Variants in COL19A1 observed in about 807,000 individuals in gnomAD.
COL19A1 encodes collagen type XIX alpha 1 chain.
Under a neutral mutation model 190.2 loss-of-function variants are expected in COL19A1, and 159 were observed. The ratio of observed to expected loss-of-function variants is 0.84; its 90% CI spans 0.73 to 0.95. COL19A1 has a LOEUF of 0.95. COL19A1 is among the 40% of genes least tolerant of loss of function. The pLI, the probability that COL19A1 is intolerant of heterozygous loss-of-function variation, is 0.00. For synonymous variants in COL19A1, 509 were observed against 458.9 expected, an observed-to-expected ratio of 1.11 and a Z score of -1.39; for missense variants, 1,418 against 1,431.9, an observed-to-expected ratio of 0.99 and a Z score of 0.16.
chr6:70,135,111 C>T (rs920236976), intron 18 of COL19A1, among the ~76,000 whole-genome samples: 5 of 152,136 alleles, frequency 3.3e-5, no homozygotes, highest in African/African-American at 1.2e-4. Context: ...AAGGATGTTA[C>T]AAAGTTTACA....
chr6:70,061,340 G>A (rs1373642527), intron 14 of COL19A1, among the ~76,000 whole-genome samples: 1 of 152,000 alleles, frequency 6.6e-6, no homozygotes, highest in Non-Finnish European at 1.5e-5. Context: ...CATTCAAAGA[G>A]TGAATGATTC....
Position 69,938,769 on chromosome 6 carries a change from C to T in COL19A1, c.936+669C>T, listed in dbSNP as rs1773273477. Among the ~76,000 whole-genome samples, 4 of 152,094 alleles carry T rather than the reference C, an allele frequency of 2.6e-5. No homozygotes were observed. The South Asian group carries it at 8.3e-4, about 32-fold the overall frequency. ...CTAAGTGTGTAATTCTAGGCTATAT[C>T]CCATGCTTAGAGATTTGTCTTTCCC... is the stretch of plus-strand genomic sequence containing the variant. On this transcript the variant is annotated intron_variant, in intron 9 of 50. Coordinates refer to ENST00000620364, the MANE Select transcript of COL19A1 (RefSeq NM_001858.6).
chr6:70,059,699 A>G (rs545407771), intron 14 of COL19A1: 42 of 439,138 alleles, frequency 9.6e-5, no homozygotes, highest in Middle Eastern at 3.6e-4. Context: ...TTTAATGTCC[A>G]GAATTGTGTT....
chr6:70,154,112 C>A (rs1347290665), intron 31 of COL19A1, among the ~76,000 whole-genome samples: 1 of 149,362 alleles, frequency 6.7e-6, no homozygotes, highest in Admixed American at 6.7e-5. Flanking sequence ...CCCCTACCCC[C>A]CCCAACCCCC....
chr6:70,055,115 T>C (rs1411328727), intron 14 of COL19A1, among the ~76,000 whole-genome samples: 6 of 152,182 alleles, frequency 3.9e-5, no homozygotes, highest in Non-Finnish European at 7.4e-5. Context: ...TTTAAACATA[T>C]GAAATAGACC....
intron 46 of COL19A1, among the ~76,000 whole-genome samples, chr6:70,185,551 T>C (rs1489477948): frequency 2.0e-5 from 3 of 152,196 alleles, no homozygotes; most frequent in Middle Eastern, 3.2e-3. Flanking sequence ...AATTATGTTA[T>C]ATGGTTTTGT....
chr6:70,209,354 AT>A lies in COL19A1; in HGVS notation c.*2081del, dbSNP rs1232672211. On this transcript the variant is annotated 3_prime_UTR_variant, in exon 51 of 51. Coordinates refer to ENST00000620364, the MANE Select transcript of COL19A1 (RefSeq NM_001858.6). ...TTTTTGCCTGTTTGCTAATTTAAAA[AT>A]ATTTATTTTATCATTTTAATGTTTT... The A allele has an allele frequency of 2.6e-5, 4 of 152,410 alleles. No homozygotes were observed. The highest frequency in any genetic ancestry group is 5.9e-5 in the Non-Finnish European group (4 of 68,016). The allele number at this position is 152,410 out of a possible 1,614,324, so 9.4% of individuals were successfully genotyped here. A position where few individuals can be genotyped will look rare whatever the true frequency, so the allele number is the denominator to read the frequency against.
chr6:70,182,158 A>C (rs1766215913), intron 44 of COL19A1, among the ~76,000 whole-genome samples: 1 of 152,170 alleles, frequency 6.6e-6, no homozygotes, highest in East Asian at 1.9e-4. Flanking sequence ...CATCATCTCC[A>C]CGAGAAGTAA....
intron 15 of COL19A1, among the ~76,000 whole-genome samples, chr6:70,088,529 T>A (rs9446189): frequency 6.6e-6 from 1 of 152,258 alleles, no homozygotes; most frequent in East Asian, 1.9e-4. Flanking sequence ...GTAACAAGTA[T>A]TGAAAGTATG....
At chr6:69,878,986 T>G (rs1768320723) in intron 1 of COL19A1, among the ~76,000 whole-genome samples, 1 of 152,230 alleles carries the variant, frequency 6.6e-6, no homozygotes, top group South Asian at 2.1e-4. Context: ...ATGAAGTACC[T>G]AGATTAGTCA....
At chr6:70,172,767 T>C (rs1765573939) in intron 41 of COL19A1, among the ~76,000 whole-genome samples, 1 of 152,210 alleles carries the variant, frequency 6.6e-6, no homozygotes, top group Admixed American at 6.5e-5. Flanking sequence ...TAACAGCTAT[T>C]GTAAGGCCTT....
intron 17 of COL19A1, among the ~76,000 whole-genome samples, chr6:70,123,908 A>C (rs1347381065): frequency 6.6e-6 from 1 of 151,552 alleles, no homozygotes; most frequent in Non-Finnish European, 1.5e-5. Context: ...ACGTGTATAC[A>C]TATGTAACTA....
At chr6:69,972,831 C>A (rs1775508489) in intron 11 of COL19A1, among the ~76,000 whole-genome samples, 1 of 152,060 alleles carries the variant, frequency 6.6e-6, no homozygotes, top group South Asian at 2.1e-4. Flanking sequence ...AAATAAAATA[C>A]AGTTCTTTTA....
intron 31 of COL19A1, among the ~76,000 whole-genome samples, chr6:70,153,419 T>C (rs945393013): frequency 1.3e-5 from 2 of 152,168 alleles, no homozygotes; most frequent in African/African-American, 4.8e-5. Flanking sequence ...TATTGGTTAA[T>C]AATTGATGCA....
At chr6:70,017,522 A>G (rs1435470180) in intron 11 of COL19A1, among the ~76,000 whole-genome samples, 2 of 152,166 alleles carry the variant, frequency 1.3e-5, no homozygotes, top group South Asian at 2.1e-4. Context: ...AATAAAAAAG[A>G]TATCTATGCT....
chr6:70,112,764 A>G (rs1228626249), intron 16 of COL19A1, among the ~76,000 whole-genome samples: 1 of 152,206 alleles, frequency 6.6e-6, no homozygotes, highest in Non-Finnish European at 1.5e-5. Context: ...TTCCAAAATG[A>G]CAAGTGAAAC....
intron 1 of COL19A1, among the ~76,000 whole-genome samples, chr6:69,868,197 A>AG (rs201182559): frequency 1.2e-3 from 169 of 143,452 alleles, no homozygotes; most frequent in African/African-American, 3.3e-3. Flanking sequence ...AGGAGACTAA[A>AG]GGGAAAAAAA....
intron 4 of COL19A1, among the ~76,000 whole-genome samples, chr6:69,921,445 C>CATATATCAT (rs1205920817): frequency 0.014 from 384 of 26,970 alleles, 31 homozygotes; most frequent in African/African-American, 0.063. Context: ...TCATATATAT[C>CATATATCAT]ATATATCATA....
chr6:70,017,750 T>C (rs1340104530), intron 11 of COL19A1, among the ~76,000 whole-genome samples: 1 of 152,054 alleles, frequency 6.6e-6, no homozygotes, highest in African/African-American at 2.4e-5. Context: ...TCACAGCAAG[T>C]AAGTATTTCT....
Sources: gnomAD v4.1 joint callset for allele counts (sites outside exome capture counted in the v4.1 genomes callset) on GRCh38, gnomAD v4.1.1 for gene constraint, MANE v1.5 for transcripts, NCBI Gene and HGNC (gene_info 2026-07-23, HGNC 2026-07-21) for gene names.